PAPSS2: variants seen among roughly 807,000 people sequenced by gnomAD.
PAPSS2 encodes bifunctional 3'-phosphoadenosine 5'-phosphosulfate synthase 2.
Under a neutral mutation model 66.5 loss-of-function variants are expected in PAPSS2, and 61 were observed. The ratio of observed to expected loss-of-function variants is 0.92; its 90% CI spans 0.75 to 1.14. The LOEUF is 1.14. PAPSS2 is among the 50% of genes most tolerant of loss of function. PAPSS2 has a pLI of 0.00. For synonymous variants in PAPSS2, 289 were observed against 287.5 expected (o/e 1.01, Z -0.05); for missense variants, 708 against 789.6 (o/e 0.90, Z 1.24).
At chr10:87,744,298 A>G (rs1377599551) in intron 11 of PAPSS2, among the ~76,000 whole-genome samples, 3 of 152,220 alleles carry the variant, frequency 2.0e-5, no homozygotes, top group African/African-American at 7.2e-5. Flanking sequence ...AGGAAAGGAT[A>G]TCTTTAAAAG....
intron 1 of PAPSS2, among the ~76,000 whole-genome samples, chr10:87,665,902 C>T (rs112212438): frequency 0.015 from 2,326 of 151,894 alleles, 34 homozygotes; most frequent in Middle Eastern, 0.031. Context: ...TTCTTGCTTT[C>T]TTCCAGATTT....
chr10:87,714,967 A>G lies in PAPSS2; in HGVS notation c.640-18A>G. 1 of 1,517,444 alleles carries G rather than the reference A, an allele frequency of 6.6e-7. No homozygotes were observed. The highest frequency in any genetic ancestry group is 9.2e-7 in the Non-Finnish European group (1 of 1,091,910). The allele number at this position is 1,517,444 out of a possible 1,614,324, so 94.0% of individuals were successfully genotyped here. ...TTTTTACAGTTTTCAAGTTTTTACC[A>G]ATGCTGTTTCATTTCAGAACATTGT... On this transcript the variant is annotated intron_variant, in intron 5 of 12. Transcript: ENST00000456849.
intron 1 of PAPSS2, among the ~76,000 whole-genome samples, chr10:87,675,164 C>T (rs944252985): frequency 1.3e-5 from 2 of 152,180 alleles, no homozygotes; most frequent in African/African-American, 4.8e-5. Context: ...ACTTACAACA[C>T]CCTCTTAGTC....
intron 1 of PAPSS2, among the ~76,000 whole-genome samples, chr10:87,675,755 C>T (rs1034349496): frequency 2.0e-5 from 3 of 152,116 alleles, no homozygotes; most frequent in Admixed American, 6.5e-5. Flanking sequence ...ATGCCTGGAC[C>T]TCACTCCTAG....
chr10:87,736,240 C>T (rs1046291788), intron 9 of PAPSS2, among the ~76,000 whole-genome samples: 1 of 150,538 alleles, frequency 6.6e-6, no homozygotes, highest in African/African-American at 2.4e-5. Context: ...ACAAAGGTTG[C>T]CATGTTTTTC....
intron 9 of PAPSS2, among the ~76,000 whole-genome samples, chr10:87,729,878 C>T (rs371148469): frequency 6.6e-6 from 1 of 152,108 alleles, no homozygotes; most frequent in South Asian, 2.1e-4. Context: ...TGCCTGTAAT[C>T]CCAGCTACTT....
Position 87,715,731 on chromosome 10 carries a change from G to A in PAPSS2, c.754-1G>A. 1.9e-6 allele frequency: 3 copies of A among 1,601,960 alleles called. No individual in the cohort carries two copies. The highest frequency in any genetic ancestry group is 2.6e-6 in the Non-Finnish European group (3 of 1,168,976). ...GTTCAACTACTTTTTGTGTTTTGCA[G>A]CTGGATCTCCAGTGGGTCCAGGTTT... On this transcript the variant is annotated splice_acceptor_variant, in intron 6 of 12. Coordinates refer to ENST00000456849, the MANE Select transcript of PAPSS2 (RefSeq NM_001015880.2). LOFTEE classifies it high-confidence loss of function.
Position 87,715,003 on chromosome 10 carries a change from A to G in PAPSS2, c.658A>G (p.Ile220Val), listed in dbSNP as rs1475803300. 6.2e-7 allele frequency: 1 copy of G among 1,609,900 alleles called. No individual in the cohort carries two copies. Residue 220 changes from isoleucine (I) to valine (V), a missense_variant, in exon 6 of 13, where the codon ATA becomes GTA. Physicochemically the swap from Ile to Val is conservative, Grantham distance 29 (BLOSUM62 3). Transcript: ENST00000456849. ...ATTTCAGAACATTGTACCCTATACTATAATCAAAGATATCCACGAACTCTT... is the reference window on the plus strand; with the variant it reads ...ATTTCAGAACATTGTACCCTATACTGTAATCAAAGATATCCACGAACTCTT... ...LQEQNIVPYT[I>V]IKDIHELFVP... is the part of the protein sequence containing the mutation.
Position 87,713,164 on chromosome 10 carries a change from G to A in PAPSS2, c.235G>A (p.Asp79Asn). Residue 79 changes from aspartate (D) to asparagine (N), a missense_variant, in exon 3 of 13, where the codon GAC becomes AAC. Coordinates refer to ENST00000456849, the MANE Select transcript of PAPSS2 (RefSeq NM_001015880.2). Reference sequence around the variant, plus strand: ...CATCCCTTGTTACTCCCTGGATGGGGACAATGTCCGTCATGGCCTTAACAG... The same window carrying A: ...CATCCCTTGTTACTCCCTGGATGGGAACAATGTCCGTCATGGCCTTAACAG... Reference protein sequence around the residue: ...HAIPCYSLDGDNVRHGLNRNL... With the variant: ...HAIPCYSLDGNNVRHGLNRNL... 1 of 1,613,088 alleles carries A rather than the reference G, an allele frequency of 6.2e-7. No individual in the cohort carries two copies. The highest frequency in any genetic ancestry group is 8.5e-7 in the Non-Finnish European group (1 of 1,179,322).
chr10:87,724,220 C>T (rs1038277450), intron 8 of PAPSS2, among the ~76,000 whole-genome samples: 1 of 149,802 alleles, frequency 6.7e-6, no homozygotes, highest in African/African-American at 2.5e-5. Flanking sequence ...ACCAACTACA[C>T]ATTAACTATC....
chr10:87,705,696 T>A (rs1319919591), intron 1 of PAPSS2, among the ~76,000 whole-genome samples: 1 of 152,112 alleles, frequency 6.6e-6, no homozygotes, highest in East Asian at 1.9e-4. Context: ...ACTGTTCAAA[T>A]CTTTTTCCAT....
In PAPSS2 at chr10:87,745,097, G is replaced by T. The variant is rs748884713; in HGVS notation, c.1587G>T (p.Lys529Asn). The change falls in exon 12 of 13, where the codon AAG becomes AAT. Residue 529 changes from lysine (K) to asparagine (N), a missense_variant. Physicochemically the swap from Lys to Asn is moderately conservative, Grantham distance 94. Coordinates refer to ENST00000456849, the MANE Select transcript of PAPSS2 (RefSeq NM_001015880.2). ...PAGMPHPETK[K>N]DLYEPTHGGK... Reference sequence around the variant, plus strand: ...GAATGCCCCATCCTGAAACCAAGAAGGATCTGTATGAACCCACTCATGGGG... The same window carrying T: ...GAATGCCCCATCCTGAAACCAAGAATGATCTGTATGAACCCACTCATGGGG... 3.7e-6 allele frequency: 6 copies of T among 1,614,028 alleles called. No homozygotes were observed. In the South Asian group the frequency reaches 5.5e-5, roughly 15 times the overall value.
intron 9 of PAPSS2, 38 bp from the exon 10 acceptor site, chr10:87,741,197 C>T: frequency 6.2e-7 from 1 of 1,608,054 alleles, no homozygotes; most frequent in Non-Finnish European, 8.5e-7. Context: ...ATAGAAATCA[C>T]AATTAATCAT....
At chr10:87,694,058 A>G (rs542117967) in intron 1 of PAPSS2, among the ~76,000 whole-genome samples, 2 of 152,352 alleles carry the variant, frequency 1.3e-5, no homozygotes, top group South Asian at 2.1e-4. Context: ...TTCAACAAAT[A>G]TGTAATGAAT....
intron 1 of PAPSS2, among the ~76,000 whole-genome samples, chr10:87,692,184 C>T (rs1241373285): frequency 6.6e-6 from 1 of 152,012 alleles, no homozygotes; most frequent in African/African-American, 2.4e-5. Flanking sequence ...TGTGGGTCAT[C>T]GCTAGTGGTG....
chr10:87,675,658 A>G (rs1285873329), intron 1 of PAPSS2, among the ~76,000 whole-genome samples: 2 of 152,226 alleles, frequency 1.3e-5, no homozygotes, highest in Non-Finnish European at 2.9e-5. Context: ...TTCTGAATGC[A>G]TCTCCTAATT....
intron 7 of PAPSS2, among the ~76,000 whole-genome samples, chr10:87,720,478 A>G (rs1265419910): frequency 6.6e-6 from 1 of 152,204 alleles, no homozygotes; most frequent in African/African-American, 2.4e-5. Context: ...ATTTATATAG[A>G]TATCATTTAA....
chr10:87,733,106 C>T (rs1853749589), intron 9 of PAPSS2, among the ~76,000 whole-genome samples: 1 of 152,222 alleles, frequency 6.6e-6, no homozygotes, highest in Non-Finnish European at 1.5e-5. Flanking sequence ...TAGAACCCCA[C>T]AGCTTCCAAA....
intron 1 of PAPSS2, among the ~76,000 whole-genome samples, chr10:87,682,919 T>C (rs1221725082): frequency 2.0e-5 from 3 of 151,732 alleles, no homozygotes; most frequent in South Asian, 2.1e-4. Flanking sequence ...GCAAGGGAGG[T>C]TTTAAGTGGG....
Sources: gnomAD v4.1 joint callset for allele counts (sites outside exome capture counted in the v4.1 genomes callset) on GRCh38, gnomAD v4.1.1 for gene constraint, MANE v1.5 for transcripts, NCBI Gene and HGNC (gene_info 2026-07-23, HGNC 2026-07-21) for gene names.